The following IKZF3 variants were observed in gnomAD, a reference collection of about 807,000 sequenced individuals.
IKZF3 encodes the protein IKAROS family zinc finger 3.
In IKZF3, 10 loss-of-function variants were observed where a neutral mutation model predicts 49.0. The ratio of observed to expected loss-of-function variants is 0.20; its 90% CI spans 0.13 to 0.35. IKZF3 has a LOEUF of 0.35. Among genes scored for constraint, IKZF3 ranks in the 10% least tolerant of loss-of-function variants. The pLI, the probability that IKZF3 is intolerant of heterozygous loss-of-function variation, is 1.00. For synonymous variants in IKZF3, 209 were observed against 228.2 expected, an observed-to-expected ratio of 0.92 and a Z score of 0.76; for missense variants, 498 against 664.8, an observed-to-expected ratio of 0.75 and a Z score of 2.76.
At chr17:39,860,247 T>TA (rs1415006221) in intron 1 of IKZF3, among the ~76,000 whole-genome samples, 21 of 146,852 alleles carry the variant, frequency 1.4e-4, no homozygotes, top group African/African-American at 5.4e-4. Flanking sequence ...TTAAAAATAA[T>TA]AATAAAAAAA....
chr17:39,812,833 T>A (rs2061591928), intron 3 of IKZF3, among the ~76,000 whole-genome samples: 1 of 152,186 alleles, frequency 6.6e-6, no homozygotes, highest in Admixed American at 6.5e-5. Flanking sequence ...GCGAAGTGGC[T>A]CACGCCTGTA....
intron 1 of IKZF3, among the ~76,000 whole-genome samples, chr17:39,844,124 A>T (rs2062559658): frequency 6.6e-6 from 1 of 152,142 alleles, no homozygotes; most frequent in Non-Finnish European, 1.5e-5. Flanking sequence ...TTTCCATTTG[A>T]TGGGGTCTAC....
intron 7 of IKZF3, among the ~76,000 whole-genome samples, chr17:39,775,874 A>T (rs1388770281): frequency 1.3e-5 from 2 of 151,424 alleles, no homozygotes; most frequent in Non-Finnish European, 2.9e-5. Context: ...CGGTGAGCCG[A>T]GATCGCGCCA....
intron 7 of IKZF3, among the ~76,000 whole-genome samples, chr17:39,766,967 AG>A (rs1161809543): frequency 6.6e-6 from 1 of 152,100 alleles, no homozygotes; most frequent in Non-Finnish European, 1.5e-5. Flanking sequence ...GGGGGACAGA[AG>A]TGCTGCAAAG....
chr17:39,826,767 A>G (rs2061967249), intron 3 of IKZF3, among the ~76,000 whole-genome samples: 1 of 152,226 alleles, frequency 6.6e-6, no homozygotes, highest in Non-Finnish European at 1.5e-5. Context: ...ATGAGTAGAC[A>G]GGATGGGGGA....
At chr17:39,831,650 T>G (rs577528819) in intron 2 of IKZF3, among the ~76,000 whole-genome samples, 9 of 152,280 alleles carry the variant, frequency 5.9e-5, no homozygotes, top group African/African-American at 1.9e-4. Context: ...TTTACATTTT[T>G]TAAGGGTTGT....
At chr17:39,850,761 T>TGTATATG (rs373142198) in intron 1 of IKZF3, among the ~76,000 whole-genome samples, 1 of 62,258 alleles carries the variant, frequency 1.6e-5, no homozygotes, top group African/African-American at 5.8e-5. Context: ...ATACTATATA[T>TGTATATG]TATATATAAT....
chr17:39,769,989 C>T (rs1028668136), intron 7 of IKZF3, among the ~76,000 whole-genome samples: 2 of 152,180 alleles, frequency 1.3e-5, no homozygotes, highest in Non-Finnish European at 2.9e-5. Flanking sequence ...GACCATTGTT[C>T]ATTGTTAAGG....
chr17:39,801,076 T>G (rs944035596), intron 3 of IKZF3, among the ~76,000 whole-genome samples: 7 of 152,014 alleles, frequency 4.6e-5, no homozygotes, highest in African/African-American at 1.7e-4. Flanking sequence ...AAGGACAAAG[T>G]TGGAAGTAAT....
intron 3 of IKZF3, among the ~76,000 whole-genome samples, chr17:39,808,212 T>G (rs1482154139): frequency 6.6e-6 from 1 of 152,192 alleles, no homozygotes; most frequent in Non-Finnish European, 1.5e-5. Flanking sequence ...ATATGACAAA[T>G]GCTCAGAAGA....
chr17:39,777,776 G>GA lies in IKZF3; in HGVS notation c.710-10dup. On this transcript the variant is annotated splice_polypyrimidine_tract_variant and intron_variant, in intron 6 of 7. Transcript: ENST00000346872. ...TCTTGCCTCCGCACTTGCTAGTTTG[G>GA]AAAAATGTAAAAAGAAGAGAGAAAA... 2 of 1,606,928 alleles carry GA rather than the reference G, an allele frequency of 1.2e-6. No individual in the cohort carries two copies. The highest frequency in any genetic ancestry group is 1.1e-5 in the South Asian group (1 of 89,952).
At chr17:39,835,873 A>G (rs2062263381) in intron 1 of IKZF3, 3 of 628,050 alleles carry the variant, frequency 4.8e-6, no homozygotes, top group Non-Finnish European at 9.1e-6. Context: ...TCATCCTCGT[A>G]CTTGTTCTTG....
chr17:39,832,239 C>T (rs2062130345), intron 1 of IKZF3, 88 bp from the exon 2 acceptor site: 12 of 884,918 alleles, frequency 1.4e-5, no homozygotes, highest in East Asian at 1.0e-4. Flanking sequence ...GATACCATTT[C>T]GGAAAACTTA....
At chr17:39,775,151 G>C (rs2060546295) in intron 7 of IKZF3, among the ~76,000 whole-genome samples, 1 of 151,502 alleles carries the variant, frequency 6.6e-6, no homozygotes. Flanking sequence ...CAGAACCTGG[G>C]TCTTTTAGCT....
At chr17:39,838,495 A>G (rs142142756) in intron 1 of IKZF3, among the ~76,000 whole-genome samples, 77 of 151,996 alleles carry the variant, frequency 5.1e-4, no homozygotes, top group African/African-American at 1.8e-3. Flanking sequence ...GAGGTTTTCT[A>G]TTTGTTTATT....
chr17:39,852,461 A>AC (rs2062905431), intron 1 of IKZF3, among the ~76,000 whole-genome samples: 1 of 152,148 alleles, frequency 6.6e-6, no homozygotes, highest in South Asian at 2.1e-4. Flanking sequence ...GCCACATTCA[A>AC]CATAGCTGAC....
chr17:39,770,810 T>C (rs1346245910), intron 7 of IKZF3, among the ~76,000 whole-genome samples: 1 of 144,448 alleles, frequency 6.9e-6, no homozygotes, highest in African/African-American at 2.5e-5. Flanking sequence ...GGTTGATACT[T>C]TTTTTTTTTT....
chr17:39,794,442 C>T (rs1447268399), intron 3 of IKZF3, among the ~76,000 whole-genome samples: 1 of 152,220 alleles, frequency 6.6e-6, no homozygotes, highest in Non-Finnish European at 1.5e-5. Context: ...TGCAGCTGTG[C>T]CTGGCTTGCT....
intron 6 of IKZF3, among the ~76,000 whole-genome samples, chr17:39,786,641 T>C (rs1327706201): frequency 6.6e-6 from 1 of 152,204 alleles, no homozygotes; most frequent in African/African-American, 2.4e-5. Flanking sequence ...ATTATTGTTT[T>C]AGAGATGGTG....
Sources: allele counts gnomAD v4.1 joint callset (sites outside exome capture counted in the v4.1 genomes callset), GRCh38; gene constraint gnomAD v4.1.1; transcripts MANE v1.5; gene names NCBI Gene and HGNC (gene_info 2026-07-23, HGNC 2026-07-21).